RGS6: variants seen among roughly 807,000 people sequenced by gnomAD.
RGS6 encodes regulator of G-protein signaling 6.
RGS6 carries 30 observed loss-of-function variants against 78.5 expected under a neutral mutation model. That is an observed-to-expected ratio of 0.38 (90% CI 0.29 to 0.52). The LOEUF (loss-of-function observed/expected upper bound fraction) is 0.52. Among genes scored for constraint, RGS6 ranks in the 20% least tolerant of loss-of-function variants. The probability of loss-of-function intolerance (pLI) is 0.85; values close to 1 mark genes in which losing one functional copy is unlikely to be tolerated. For missense variants in RGS6, 495 were observed against 609.7 expected (o/e 0.81, Z 1.98); for synonymous variants, 206 against 206.0 (o/e 1.00, Z 0.00).
chr14:72,361,532 GATTGT>G (rs2081455309), intron 3 of RGS6, among the ~76,000 whole-genome samples: 1 of 152,288 alleles, frequency 6.6e-6, no homozygotes, highest in African/African-American at 2.4e-5. Flanking sequence ...ATTCTGGAAA[GATTGT>G]GATTATTGGC....
intron 13 of RGS6, among the ~76,000 whole-genome samples, chr14:72,507,680 G>A (rs1418462200): frequency 6.6e-6 from 1 of 152,164 alleles, no homozygotes. Context: ...CTCACCACTT[G>A]GGTACCAGAA....
chr14:72,414,871 T>C (rs1419037579), intron 3 of RGS6, among the ~76,000 whole-genome samples: 1 of 152,174 alleles, frequency 6.6e-6, no homozygotes, highest in Admixed American at 6.5e-5. Context: ...ACAGCAGATA[T>C]TGGTGAACCG....
Position 72,563,567 on chromosome 14 carries a change from T to G in RGS6, c.*1100T>G, listed in dbSNP as rs2097696336. 1 of 152,474 alleles carries G rather than the reference T, an allele frequency of 6.6e-6. No homozygotes were observed. Among genetic ancestry groups the G allele is most frequent in the Non-Finnish European group, 1.5e-5 (1 of 68,252 alleles). The allele number at this position is 152,474 out of a possible 1,614,324, so 9.4% of individuals were successfully genotyped here. On this transcript the variant is annotated 3_prime_UTR_variant, in exon 18 of 18. Coordinates refer to ENST00000553525, the MANE Select transcript of RGS6 (RefSeq NM_001204424.2). ...CACAGGGCTCTCCTCCCAGTCTTTA[T>G]CTGAAGGCCCAGCCAAAGCACCCCT...
At chr14:72,349,533 G>A (rs1015752159) in intron 2 of RGS6, among the ~76,000 whole-genome samples, 9 of 152,292 alleles carry the variant, frequency 5.9e-5, no homozygotes, top group South Asian at 2.1e-4. Context: ...GAACTGGGGG[G>A]CAATAATTCC....
At chr14:72,239,056 G>A (rs1467640623) in intron 2 of RGS6, among the ~76,000 whole-genome samples, 1 of 152,190 alleles carries the variant, frequency 6.6e-6, no homozygotes, top group Non-Finnish European at 1.5e-5. Context: ...CAGAGCAGGA[G>A]TGAAAGTTTA....
At position 72,345,146 on chromosome 14, in the gene RGS6, G is replaced by A. The variant is rs545088290; in HGVS notation, c.85-6949G>A. On this transcript the variant is annotated intron_variant, in intron 2 of 17. Coordinates refer to ENST00000553525, the MANE Select transcript of RGS6 (RefSeq NM_001204424.2). The stretch of plus-strand genomic sequence containing the variant: ...TTTCCTGATAAAAGGAATGAGTGCA[G>A]CTGTTCCCCCTCCCCCTCCTTCCCA... 3.3e-5 allele frequency among the ~76,000 whole-genome samples: 5 copies of A among 152,304 alleles called. No homozygotes were observed. The East Asian group carries it at 9.6e-4, about 29-fold the overall frequency.
the RGS6 span, among the ~76,000 whole-genome samples, chr14:72,627,725 A>G: frequency 1.3e-5 from 2 of 152,156 alleles, no homozygotes; most frequent in East Asian, 1.9e-4. Context: ...AGATAAATTT[A>G]TAAATTAACT....
chr14:72,180,319 C>G (rs1396623644), intron 2 of RGS6, among the ~76,000 whole-genome samples: 2 of 152,330 alleles, frequency 1.3e-5, no homozygotes, highest in East Asian at 3.9e-4. Flanking sequence ...AAAGGCACCT[C>G]TCCAGATAGC....
chr14:72,329,727 G>A (rs1375939925), intron 2 of RGS6, among the ~76,000 whole-genome samples: 2 of 152,358 alleles, frequency 1.3e-5, no homozygotes, highest in Non-Finnish European at 2.9e-5. Flanking sequence ...TGAGCCAGGT[G>A]GAGCAGCTGT....
chr14:72,315,222 G>A (rs947523260), intron 2 of RGS6, among the ~76,000 whole-genome samples: 4 of 152,200 alleles, frequency 2.6e-5, no homozygotes, highest in South Asian at 4.1e-4. Context: ...CAGTTACCAT[G>A]GCAGGGAAGC....
In RGS6 at chr14:72,176,863, C is replaced by A. The variant is rs1224617494; in HGVS notation, c.85-175232C>A. On this transcript the variant is annotated intron_variant, in intron 2 of 17. Transcript: ENST00000553525. The stretch of plus-strand genomic sequence containing the variant: ...ATGTTCACTTAGGTCAAGATACAGA[C>A]CAACCCACCACCCCAGAAGGAGCTC... Among the ~76,000 whole-genome samples, 3 of 152,290 alleles carry A rather than the reference C, an allele frequency of 2.0e-5. No homozygotes were observed. The East Asian group carries it at 5.8e-4, about 29-fold the overall frequency.
At chr14:72,428,848 A>T (rs1304064514) in intron 3 of RGS6, among the ~76,000 whole-genome samples, 1 of 152,186 alleles carries the variant, frequency 6.6e-6, no homozygotes. Context: ...TGTCAACTGG[A>T]TGAGGTCTTG....
In RGS6 at chr14:72,388,590, G is replaced by A. The variant is rs549444764; in HGVS notation, c.184+36396G>A. ...GAAGGCAGGCAGCTCTTCTGGACCTGGCCAGAGTACATGGTCATTTCTCCA... is the reference window on the plus strand; with the variant it reads ...GAAGGCAGGCAGCTCTTCTGGACCTAGCCAGAGTACATGGTCATTTCTCCA... On this transcript the variant is annotated intron_variant, in intron 3 of 17. Coordinates refer to ENST00000553525, the MANE Select transcript of RGS6 (RefSeq NM_001204424.2). Among the ~76,000 whole-genome samples the A allele has an allele frequency of 1.6e-4, 24 of 152,228 alleles. 1 individual carries two copies. Among genetic ancestry groups the A allele is most frequent in the Admixed American group, 1.4e-3 (21 of 15,292 alleles).
At chr14:72,071,556 A>G (rs1380385679) in intron 2 of RGS6, among the ~76,000 whole-genome samples, 1 of 152,200 alleles carries the variant, frequency 6.6e-6, no homozygotes, top group Non-Finnish European at 1.5e-5. Flanking sequence ...GTCCTTACCA[A>G]TTCTTAGTAT....
the RGS6 span, among the ~76,000 whole-genome samples, chr14:72,582,026 T>A: frequency 6.6e-6 from 1 of 151,992 alleles, no homozygotes; most frequent in Non-Finnish European, 1.5e-5. Context: ...AACCCAGAGG[T>A]ATTTTGGCTT....
At chr14:72,195,793 G>A (rs1010829347) in intron 2 of RGS6, among the ~76,000 whole-genome samples, 2 of 152,188 alleles carry the variant, frequency 1.3e-5, no homozygotes, top group East Asian at 3.8e-4. Context: ...GTGTGCCCAC[G>A]GAAACACCAG....
intron 2 of RGS6, among the ~76,000 whole-genome samples, chr14:72,012,310 T>C (rs776495494): frequency 6.6e-6 from 1 of 152,230 alleles, no homozygotes; most frequent in Non-Finnish European, 1.5e-5. Flanking sequence ...GCTAGTTTTC[T>C]ATACACATAG....
At chr14:72,058,249 TGCAATATAA>T (rs2093717409) in intron 2 of RGS6, among the ~76,000 whole-genome samples, 1 of 152,196 alleles carries the variant, frequency 6.6e-6, no homozygotes, top group Non-Finnish European at 1.5e-5. Context: ...TTTAAGTTGA[TGCAATATAA>T]TAGCTGCCAA....
the RGS6 span, among the ~76,000 whole-genome samples, chr14:71,926,144 C>T: frequency 6.6e-6 from 1 of 152,096 alleles, no homozygotes; most frequent in East Asian, 1.9e-4. Context: ...TGGTATTTTT[C>T]ACAGAAATAG....
Sources: allele counts gnomAD v4.1 joint callset (sites outside exome capture counted in the v4.1 genomes callset), GRCh38; gene constraint gnomAD v4.1.1; transcripts MANE v1.5; gene names NCBI Gene and HGNC (gene_info 2026-07-23, HGNC 2026-07-21).